NRXN1: variants seen among roughly 807,000 people sequenced by gnomAD.
NRXN1 encodes neurexin-1.
NRXN1 carries 39 observed loss-of-function variants against 150.9 expected under a neutral mutation model. The ratio of observed to expected loss-of-function variants is 0.26; its 90% confidence interval spans 0.20 to 0.34. NRXN1 has a LOEUF of 0.34. Among genes scored for constraint, NRXN1 ranks in the 10% least tolerant of loss-of-function variants. The probability of loss-of-function intolerance (pLI) is 1.00; values close to 1 mark genes in which losing one functional copy is unlikely to be tolerated. For missense variants in NRXN1, 1,815 were observed against 1,949.9 expected, an observed-to-expected ratio of 0.93 and a Z score of 1.30; for synonymous variants, 924 against 757.0, an observed-to-expected ratio of 1.22 and a Z score of -3.62.
chr2:50,125,448 G>A (rs1704443339), intron 18 of NRXN1, among the ~76,000 whole-genome samples: 1 of 152,014 alleles, frequency 6.6e-6, no homozygotes, highest in Admixed American at 6.6e-5. Flanking sequence ...ACCAAAAACA[G>A]GGCCCAACAG....
chr2:50,450,994 G>A (rs979199135), intron 17 of NRXN1, among the ~76,000 whole-genome samples: 17 of 152,084 alleles, frequency 1.1e-4, no homozygotes, highest in East Asian at 9.6e-4. Context: ...TTTTGTTGTC[G>A]TTTGAGTCAA....
intron 5 of NRXN1, among the ~76,000 whole-genome samples, chr2:50,801,177 A>C (rs1343867229): frequency 2.6e-5 from 4 of 152,220 alleles, no homozygotes; most frequent in Non-Finnish European, 5.9e-5. Context: ...ATTTATGTCA[A>C]AGTTTCTAAT....
chr2:50,318,631 T>G (rs1049062329), intron 17 of NRXN1, among the ~76,000 whole-genome samples: 1 of 152,002 alleles, frequency 6.6e-6, no homozygotes, highest in East Asian at 1.9e-4. Context: ...AATGCTATAA[T>G]AAACCCCAAA....
chr2:50,281,844 G>C (rs933232972), intron 17 of NRXN1, among the ~76,000 whole-genome samples: 3 of 152,082 alleles, frequency 2.0e-5, no homozygotes, highest in Admixed American at 1.3e-4. Context: ...ATTAGCAGTA[G>C]AAAACTTGAA....
At chr2:50,272,846 A>G (rs10187950) in intron 17 of NRXN1, among the ~76,000 whole-genome samples, 16,355 of 152,072 alleles carry the variant, frequency 0.11, 977 homozygotes, top group East Asian at 0.19. Context: ...CTAAAAATGC[A>G]TGCTACTTAT....
chr2:50,081,985 T>C (rs1698036766), intron 19 of NRXN1, among the ~76,000 whole-genome samples: 1 of 152,160 alleles, frequency 6.6e-6, no homozygotes, highest in Non-Finnish European at 1.5e-5. Flanking sequence ...TTATAAAATA[T>C]AAATATTAAA....
At chr2:50,626,668 T>C (rs1199512761) in intron 5 of NRXN1, among the ~76,000 whole-genome samples, 2 of 151,896 alleles carry the variant, frequency 1.3e-5, no homozygotes, top group Non-Finnish European at 2.9e-5. Context: ...TGAAAACTTG[T>C]CAGACAATAA....
chr2:49,947,622 G>C (rs1176182661), intron 21 of NRXN1, among the ~76,000 whole-genome samples: 1 of 144,174 alleles, frequency 6.9e-6, no homozygotes, highest in Non-Finnish European at 1.5e-5. Context: ...TGAGCCTCCC[G>C]AAGTGCTGGG....
intron 17 of NRXN1, among the ~76,000 whole-genome samples, chr2:50,337,366 T>A (rs1320527138): frequency 6.6e-6 from 1 of 152,130 alleles, no homozygotes; most frequent in Non-Finnish European, 1.5e-5. Context: ...ACTACAGGCG[T>A]GAGCCACCGC....
intron 5 of NRXN1, among the ~76,000 whole-genome samples, chr2:50,807,551 C>A (rs1313100335): frequency 2.0e-5 from 3 of 152,070 alleles, no homozygotes; most frequent in Non-Finnish European, 4.4e-5. Context: ...GATGGCGGCC[C>A]ATGAGGCAGG....
chr2:50,108,440 GCA>G (rs1701958703), intron 18 of NRXN1, among the ~76,000 whole-genome samples: 2 of 151,976 alleles, frequency 1.3e-5, no homozygotes. Context: ...GCACAAATTT[GCA>G]CAGTCACTGT....
intron 18 of NRXN1, among the ~76,000 whole-genome samples, chr2:50,169,360 A>G (rs937832519): frequency 6.6e-6 from 1 of 152,180 alleles, no homozygotes; most frequent in African/African-American, 2.4e-5. Flanking sequence ...AGATAAATTC[A>G]GGGAAGTTTC....
rs1423017421 is a variant in NRXN1, at chr2:50,251,003, CAT to C, written c.3365-14035_3365-14034del. On this transcript the variant is annotated intron_variant, in intron 17 of 22. Transcript: ENST00000401669. ...TATGTAATAAATTTATTACACATTG[CAT>C]ATGTGTAATATTACATATTGTATAT... Among the ~76,000 whole-genome samples the C allele has an allele frequency of 5.7e-5, 6 of 105,586 alleles. No individual in the cohort carries two copies. The East Asian group carries it at 9.4e-4, about 17-fold the overall frequency. 69.3% of individuals were successfully genotyped at this position (105,586 alleles called of 152,430 possible).
At chr2:50,961,150 TATG>T (rs1347030115) in intron 2 of NRXN1, among the ~76,000 whole-genome samples, 1 of 151,952 alleles carries the variant, frequency 6.6e-6, no homozygotes, top group Non-Finnish European at 1.5e-5. Flanking sequence ...TCCCATCCAC[TATG>T]ATATTTGTTT....
At chr2:50,194,141 T>C (rs765158085) in intron 18 of NRXN1, among the ~76,000 whole-genome samples, 3 of 152,190 alleles carry the variant, frequency 2.0e-5, no homozygotes, top group Non-Finnish European at 4.4e-5. Context: ...GATTACATAA[T>C]GGTAAAATGG....
In NRXN1 at chr2:51,028,328, C is replaced by T. The variant is rs994869538; in HGVS notation, c.-55G>A. 1.6e-6 allele frequency: 2 copies of T among 1,228,710 alleles called. No homozygotes were observed. Among genetic ancestry groups the T allele is most frequent in the African/African-American group, 3.1e-5 (2 of 65,334 alleles). The allele number at this position is 1,228,710 out of a possible 1,614,324, so 76.1% of individuals were successfully genotyped here. The stretch of plus-strand genomic sequence containing the variant: ...CCGGGGCCGACAGGGTCAAAATGGT[C>T]CTGGACACCGTGACGAAGAAATAAG... On this transcript the variant is annotated 5_prime_UTR_variant, in exon 2 of 23. Coordinates refer to ENST00000401669, the MANE Select transcript of NRXN1 (RefSeq NM_001330078.2).
chr2:50,656,518 T>C, intron 5 of NRXN1: 1 of 609,124 alleles, frequency 1.6e-6, no homozygotes, highest in South Asian at 2.1e-5. Context: ...AAAGGGGAAG[T>C]TAATTTATCC....
At chr2:50,430,394 A>G (rs1353961057) in intron 17 of NRXN1, among the ~76,000 whole-genome samples, 1 of 152,216 alleles carries the variant, frequency 6.6e-6, no homozygotes, top group Non-Finnish European at 1.5e-5. Context: ...ACTTTCTGTG[A>G]TGATGGAAAT....
intron 18 of NRXN1, among the ~76,000 whole-genome samples, chr2:50,228,547 T>C (rs545858554): frequency 1.3e-4 from 19 of 151,884 alleles, no homozygotes; most frequent in Admixed American, 3.9e-4. Flanking sequence ...TTGGAAATAT[T>C]AGTATGGTAG....
Sources: allele counts gnomAD v4.1 joint callset (sites outside exome capture counted in the v4.1 genomes callset), GRCh38; gene constraint gnomAD v4.1.1; transcripts MANE v1.5; gene names NCBI Gene and HGNC (gene_info 2026-07-23, HGNC 2026-07-21).